DIP2B: variants seen among roughly 807,000 people sequenced by gnomAD.
DIP2B encodes the protein disco-interacting protein 2 homolog B.
Under a neutral mutation model 198.0 loss-of-function variants are expected in DIP2B, and 76 were observed. That is an observed-to-expected ratio of 0.38 (90% CI 0.32 to 0.46). DIP2B has a LOEUF of 0.46. Ranked by LOEUF, DIP2B falls within the 20% of genes least tolerant of loss-of-function variation. DIP2B has a pLI of 0.99. For synonymous variants in DIP2B, 701 were observed against 739.1 expected, an observed-to-expected ratio of 0.95 and a Z score of 0.84; for missense variants, 1,559 against 1,978.4, an observed-to-expected ratio of 0.79 and a Z score of 4.02.
intron 9 of DIP2B, among the ~76,000 whole-genome samples, chr12:50,682,509 GT>G (rs1939058540): frequency 6.6e-6 from 1 of 151,638 alleles, no homozygotes; most frequent in Admixed American, 6.6e-5. Flanking sequence ...GGCACCTGTA[GT>G]CCCAGCTACT....
At chr12:50,702,260 G>A (rs916748608) in intron 19 of DIP2B, among the ~76,000 whole-genome samples, 9 of 152,020 alleles carry the variant, frequency 5.9e-5, no homozygotes, top group Non-Finnish European at 1.2e-4. Context: ...ACAGGAGAAC[G>A]GCTTGAACCC....
At chr12:50,519,231 A>C (rs1046004483) in intron 1 of DIP2B, among the ~76,000 whole-genome samples, 1 of 152,170 alleles carries the variant, frequency 6.6e-6, no homozygotes, top group African/African-American at 2.4e-5. Flanking sequence ...TACCAGTATA[A>C]CTACTGGCAA....
At chr12:50,673,831 T>A (rs917131514) in intron 5 of DIP2B, among the ~76,000 whole-genome samples, 1 of 152,192 alleles carries the variant, frequency 6.6e-6, no homozygotes, top group Non-Finnish European at 1.5e-5. Flanking sequence ...AATAACACTA[T>A]TTAGTCTCTA....
chr12:50,556,063 T>C (rs931837234), intron 1 of DIP2B, among the ~76,000 whole-genome samples: 1 of 152,172 alleles, frequency 6.6e-6, no homozygotes, highest in East Asian at 1.9e-4. Context: ...CATTGTTTTT[T>C]TTCCCCCCAA....
At chr12:50,545,773 T>C (rs2139380433) in intron 1 of DIP2B, among the ~76,000 whole-genome samples, 1 of 151,694 alleles carries the variant, frequency 6.6e-6, no homozygotes, top group East Asian at 2.0e-4. Flanking sequence ...GTAGCTGAGA[T>C]TACAGGCGTG....
At chr12:50,638,087 A>G (rs1328010016) in intron 2 of DIP2B, among the ~76,000 whole-genome samples, 1 of 152,206 alleles carries the variant, frequency 6.6e-6, no homozygotes, top group African/African-American at 2.4e-5. Flanking sequence ...TCTAGTGGAT[A>G]TTCTGCATAA....
Position 50,721,401 on chromosome 12 carries a change from G to A in DIP2B, c.3166+5G>A, listed in dbSNP as rs1939833791. On this transcript the variant is annotated splice_donor_5th_base_variant and intron_variant, in intron 26 of 37. Transcript: ENST00000301180. ...TGGTGTTGCTCTATCCACCTGGTAAGCATTGGATTGGCAGACTAGAGTTTA... is the reference window on the plus strand; with the variant it reads ...TGGTGTTGCTCTATCCACCTGGTAAACATTGGATTGGCAGACTAGAGTTTA... The A allele has an allele frequency of 6.2e-7, 1 of 1,613,732 alleles. No homozygotes were observed. Among genetic ancestry groups the A allele is most frequent in the Non-Finnish European group, 8.5e-7 (1 of 1,179,866 alleles).
chr12:50,592,029 C>G (rs1958823819), intron 1 of DIP2B, among the ~76,000 whole-genome samples: 1 of 151,910 alleles, frequency 6.6e-6, no homozygotes, highest in African/African-American at 2.4e-5. Flanking sequence ...AGGCATGTGT[C>G]ACCATGCCCA....
chr12:50,559,811 G>A (rs906080122), intron 1 of DIP2B, among the ~76,000 whole-genome samples: 1 of 151,970 alleles, frequency 6.6e-6, no homozygotes, highest in Admixed American at 6.6e-5. Context: ...TGGGAGTGGG[G>A]ATGGAATACA....
At chr12:50,646,507 C>A (rs1015549054) in intron 3 of DIP2B, among the ~76,000 whole-genome samples, 1 of 152,142 alleles carries the variant, frequency 6.6e-6, no homozygotes, top group Admixed American at 6.6e-5. Context: ...TTGCAACCTC[C>A]GCCTCCTGGG....
At chr12:50,557,876 G>T (rs1475071028) in intron 1 of DIP2B, among the ~76,000 whole-genome samples, 2 of 152,208 alleles carry the variant, frequency 1.3e-5, no homozygotes, top group Admixed American at 6.5e-5. Flanking sequence ...GCCAGGCGTG[G>T]TGGCTCCCAC....
Position 50,747,674 on chromosome 12 carries a change from G to T in DIP2B, c.*2835G>T, listed in dbSNP as rs1482549978. ...CAGGCCTGAAAGGCCATTACTAATA[G>T]AAACACAGCCTTTCCAATCCTCTGG... On this transcript the variant is annotated 3_prime_UTR_variant, in exon 38 of 38. Transcript: ENST00000301180. 1 of 152,250 alleles carries T rather than the reference G, an allele frequency of 6.6e-6. No homozygotes were observed. The highest frequency in any genetic ancestry group is 1.5e-5 in the Non-Finnish European group (1 of 68,048). 9.4% of individuals were successfully genotyped at this position (152,250 alleles called of 1,614,324 possible). A position where few individuals can be genotyped will look rare whatever the true frequency, so the allele number is the denominator to read the frequency against.
Position 50,520,158 on chromosome 12 carries a change from C to T in DIP2B, c.100+14918C>T, listed in dbSNP as rs533033418. ...GTTCAAGCCATTGTCCTGCCTCAGC[C>T]TCCCCAGTAGCTGAGACTACAGGTG... is the stretch of plus-strand genomic sequence containing the variant. On this transcript the variant is annotated intron_variant, in intron 1 of 37. Transcript: ENST00000301180. Among the ~76,000 whole-genome samples, 3 of 151,514 alleles carry T rather than the reference C, an allele frequency of 2.0e-5. No homozygotes were observed. The South Asian group carries it at 6.2e-4, about 32-fold the overall frequency.
At position 50,725,855 on chromosome 12, in the gene DIP2B, C is replaced by CT. The variant is rs74550223; in HGVS notation, c.3400+984dup. Among the ~76,000 whole-genome samples the CT allele has an allele frequency of 4.7e-3, 657 of 140,138 alleles. 4 individuals carry two copies. Among genetic ancestry groups the CT allele is most frequent in the African/African-American group, 0.012 (477 of 38,688 alleles). 91.9% of individuals were successfully genotyped at this position (140,138 alleles called of 152,430 possible). On this transcript the variant is annotated intron_variant, in intron 28 of 37. Coordinates refer to ENST00000301180, the MANE Select transcript of DIP2B (RefSeq NM_173602.3). Reference sequence around the variant, plus strand: ...CTTAACCATTAATGTCCTCCCTACCCTTTTTTTTTTTTTTTAACTCTGGAT... The same window carrying CT: ...CTTAACCATTAATGTCCTCCCTACCCTTTTTTTTTTTTTTTTAACTCTGGAT...
intron 1 of DIP2B, among the ~76,000 whole-genome samples, chr12:50,542,743 A>G (rs1039282383): frequency 4.6e-5 from 7 of 152,214 alleles, no homozygotes; most frequent in Non-Finnish European, 1.0e-4. Context: ...AATCAGACTT[A>G]TGATTACACT....
chr12:50,697,256 C>T (rs1478944378), intron 17 of DIP2B, 81 bp downstream of exon 17: 12 of 1,199,972 alleles, frequency 1.0e-5, no homozygotes, highest in South Asian at 5.9e-5. Flanking sequence ...TGATGACCAA[C>T]GGATGTTAAC....
At chr12:50,644,866 T>A (rs1353913864) in intron 3 of DIP2B, among the ~76,000 whole-genome samples, 1 of 152,210 alleles carries the variant, frequency 6.6e-6, no homozygotes, top group African/African-American at 2.4e-5. Context: ...TCATATCATA[T>A]ATAAAAATGC....
At chr12:50,702,310 C>T (rs1592134601) in intron 19 of DIP2B, among the ~76,000 whole-genome samples, 1 of 152,096 alleles carries the variant, frequency 6.6e-6, no homozygotes, top group South Asian at 2.1e-4. Context: ...TGTGCCACTG[C>T]ACTCCAGCCT....
chr12:50,730,209 T>C (rs1940013921), intron 30 of DIP2B, among the ~76,000 whole-genome samples: 1 of 152,218 alleles, frequency 6.6e-6, no homozygotes. Context: ...GCCTGCTGGG[T>C]GAAGTCTAAA....
Sources: gnomAD v4.1 joint callset for allele counts (sites outside exome capture counted in the v4.1 genomes callset) on GRCh38, gnomAD v4.1.1 for gene constraint, MANE v1.5 for transcripts, NCBI Gene and HGNC (gene_info 2026-07-23, HGNC 2026-07-21) for gene names.